Variants in PHF21A observed in about 807,000 individuals in gnomAD.
PHF21A encodes PHD finger protein 21A, also known as BHC80a.
Under a neutral mutation model 82.5 loss-of-function variants are expected in PHF21A, and 11 were observed. The ratio of observed to expected loss-of-function variants is 0.13; its 90% CI spans 0.08 to 0.22. The LOEUF (loss-of-function observed/expected upper bound fraction) is 0.22, where lower values mean the gene tolerates loss of function less well. Ranked by LOEUF, PHF21A falls within the 10% of genes least tolerant of loss-of-function variation. PHF21A has a pLI of 1.00. For missense variants in PHF21A, 579 were observed against 837.8 expected, an observed-to-expected ratio of 0.69 and a Z score of 3.81; for synonymous variants, 297 against 302.8, an observed-to-expected ratio of 0.98 and a Z score of 0.20.
intron 6 of PHF21A, among the ~76,000 whole-genome samples, chr11:46,066,083 TA>T (rs1287914822): frequency 1.3e-5 from 2 of 152,206 alleles, no homozygotes; most frequent in African/African-American, 4.8e-5. Context: ...GAAAGGGATA[TA>T]GTCTCATAAA....
At chr11:45,935,546 C>G in intron 18 of PHF21A, 90 bp downstream of exon 18, 1 of 796,770 alleles carries the variant, frequency 1.3e-6, no homozygotes, top group Non-Finnish European at 2.2e-6. Flanking sequence ...CCCGAAACAG[C>G]CTGGGGCCCA....
chr11:46,036,752 G>C (rs2096012496), intron 6 of PHF21A, among the ~76,000 whole-genome samples: 1 of 152,118 alleles, frequency 6.6e-6, no homozygotes. Context: ...CTTGTATATG[G>C]ACATCTTACT....
intron 6 of PHF21A, among the ~76,000 whole-genome samples, chr11:46,006,191 T>A (rs1042344900): frequency 3.3e-5 from 5 of 152,230 alleles, no homozygotes; most frequent in African/African-American, 1.2e-4. Context: ...CAAATGATTT[T>A]AAAATTAAAT....
intron 6 of PHF21A, among the ~76,000 whole-genome samples, chr11:45,994,868 T>C (rs1257310102): frequency 6.6e-6 from 1 of 152,230 alleles, no homozygotes; most frequent in African/African-American, 2.4e-5. Context: ...GCTTTGAATG[T>C]CTCCCTGGTA....
Position 45,965,399 on chromosome 11 carries a change from G to A in PHF21A, c.912C>T (p.Leu304=), listed in dbSNP as rs1387371206. 1.2e-6 allele frequency: 2 copies of A among 1,614,126 alleles called. No homozygotes were observed. Among genetic ancestry groups the A allele is most frequent in the Non-Finnish European group, 1.7e-6 (2 of 1,180,028 alleles). The change falls in exon 10 of 19, where the codon CTC becomes CTT. Residue 304 remains leucine, a synonymous_variant. Coordinates refer to ENST00000676320, the MANE Select transcript of PHF21A (RefSeq NM_001352027.3). ...CTGGAGTAGCTATCACAATGCTGGT[G>A]AGCTGGGCCATGGGGAACGTTTTGG... ...TIAKTFPMAQ[L]TSIVIATPGT... is the part of the protein sequence containing the mutation.
intron 6 of PHF21A, among the ~76,000 whole-genome samples, chr11:46,072,819 A>T (rs1466416831): frequency 6.6e-6 from 1 of 152,198 alleles, no homozygotes; most frequent in Non-Finnish European, 1.5e-5. Context: ...CCGAAGCTGC[A>T]ACCACGATGG....
intron 6 of PHF21A, among the ~76,000 whole-genome samples, chr11:46,024,193 C>A (rs1343440539): frequency 1.3e-5 from 2 of 152,180 alleles, no homozygotes; most frequent in East Asian, 1.9e-4. Context: ...CCCATCACAA[C>A]CTGATCCAGG....
In PHF21A at chr11:45,985,226, A is replaced by C. The variant is rs564118652; in HGVS notation, c.154-5260T>G. Among the ~76,000 whole-genome samples the C allele has an allele frequency of 2.6e-5, 4 of 152,350 alleles. No individual in the cohort carries two copies. In the East Asian group the frequency reaches 5.8e-4, roughly 22 times the overall value. ...AGCCACTGCATTGATAAGTCACACC[A>C]ATATTCATCAACGCTGAGGATGCAG... On this transcript the variant is annotated intron_variant, in intron 6 of 18. Coordinates refer to ENST00000676320, the MANE Select transcript of PHF21A (RefSeq NM_001352027.3).
chr11:46,083,224 G>C (rs1345328743), intron 4 of PHF21A, among the ~76,000 whole-genome samples: 1 of 151,618 alleles, frequency 6.6e-6, no homozygotes, highest in Non-Finnish European at 1.5e-5. Flanking sequence ...CACGTGCATA[G>C]GGCCAACTCT....
intron 1 of PHF21A, among the ~76,000 whole-genome samples, chr11:46,113,222 T>A (rs1325331396): frequency 6.6e-6 from 1 of 152,232 alleles, no homozygotes; most frequent in Non-Finnish European, 1.5e-5. Flanking sequence ...TAAACCACGT[T>A]ATCACAGCAA....
chr11:45,959,545 G>C (rs1035626160), intron 10 of PHF21A, among the ~76,000 whole-genome samples: 2 of 152,134 alleles, frequency 1.3e-5, no homozygotes, highest in African/African-American at 4.8e-5. Flanking sequence ...GTTTAGGCCA[G>C]AGCAATTAGG....
chr11:45,936,381 AAAGGTTTTC>A, intron 17 of PHF21A, 104 bp downstream of exon 17: 1 of 689,286 alleles, frequency 1.5e-6, no homozygotes, highest in Non-Finnish European at 2.5e-6. Context: ...GTTAAGGGCA[AAAGGTTTTC>A]ATTTTTAAAT....
intron 1 of PHF21A, among the ~76,000 whole-genome samples, chr11:46,094,932 A>G (rs2096974376): frequency 6.6e-6 from 1 of 152,054 alleles, no homozygotes; most frequent in Non-Finnish European, 1.5e-5. Flanking sequence ...CTTTAAACCT[A>G]AGGGATCCCC....
At chr11:46,036,257 A>G (rs572218587) in intron 6 of PHF21A, among the ~76,000 whole-genome samples, 4 of 152,354 alleles carry the variant, frequency 2.6e-5, no homozygotes, top group Non-Finnish European at 5.9e-5. Context: ...CATAAGTAAC[A>G]TAACTGGAAA....
chr11:46,007,035 G>A (rs1164720619), intron 6 of PHF21A, among the ~76,000 whole-genome samples: 3 of 152,222 alleles, frequency 2.0e-5, no homozygotes, highest in Non-Finnish European at 4.4e-5. Context: ...GTTCCTGCAA[G>A]CTCGTTTTAC....
At chr11:46,004,227 T>C (rs1353166412) in intron 6 of PHF21A, among the ~76,000 whole-genome samples, 2 of 152,200 alleles carry the variant, frequency 1.3e-5, no homozygotes, top group Non-Finnish European at 2.9e-5. Flanking sequence ...AGAAATTTCA[T>C]CCAATGTTCA....
intron 1 of PHF21A, among the ~76,000 whole-genome samples, chr11:46,101,467 G>A (rs1166620977): frequency 2.0e-5 from 3 of 152,056 alleles, no homozygotes; most frequent in East Asian, 3.8e-4. Context: ...TGTTAGTTAG[G>A]GAATAGGTAC....
chr11:46,026,929 T>C (rs1278216348), intron 6 of PHF21A: 1 of 152,156 alleles, frequency 6.6e-6, no homozygotes, highest in East Asian at 1.9e-4. Flanking sequence ...CTGGAGAGAC[T>C]GTTGAGTGTT....
chr11:45,999,208 G>T (rs748862496), intron 6 of PHF21A, among the ~76,000 whole-genome samples: 1 of 152,264 alleles, frequency 6.6e-6, no homozygotes. Context: ...GAAGAGAGCA[G>T]TAAATAGAGA....
Sources: allele counts gnomAD v4.1 joint callset (sites outside exome capture counted in the v4.1 genomes callset), GRCh38; gene constraint gnomAD v4.1.1; transcripts MANE v1.5; gene names NCBI Gene and HGNC (gene_info 2026-07-23, HGNC 2026-07-21).